The following MTCL3 variants were observed in gnomAD, a reference collection of about 807,000 sequenced individuals.
MTCL3 encodes microtubule cross-linking factor 3.
chr6:127,515,194 G>A, the MTCL3 span: 3 of 775,234 alleles, frequency 3.9e-6, no homozygotes, highest in Non-Finnish European at 6.3e-6. The surrounding 1 kb of genome is among the most constrained non-coding windows in gnomAD (Gnocchi z 4.3). Context: ...GCTGAGTACA[G>A]AAGAGGAAAC....
At chr6:127,516,787 G>A in the MTCL3 span, 1 of 1,144,254 alleles carries the variant, frequency 8.7e-7, no homozygotes, top group East Asian at 2.6e-5. Flanking sequence ...TTTGGATGGC[G>A]CTTAATAGAA....
At chr6:127,512,316 G>T in the MTCL3 span, among the ~76,000 whole-genome samples, 1 of 151,998 alleles carries the variant, frequency 6.6e-6, no homozygotes, top group Non-Finnish European at 1.5e-5. Flanking sequence ...AAAAAAAAAG[G>T]AAAATCTTTA....
At chr6:127,477,740 T>A in the MTCL3 span, among the ~76,000 whole-genome samples, 71 of 152,216 alleles carry the variant, frequency 4.7e-4, no homozygotes, top group Non-Finnish European at 7.8e-4. Context: ...TGAGAGCTGC[T>A]GGGTGTGCAG....
the MTCL3 span, among the ~76,000 whole-genome samples, chr6:127,474,703 G>A: frequency 2.0e-5 from 3 of 152,174 alleles, no homozygotes; most frequent in East Asian, 1.9e-4. Context: ...ATCAGCCTCC[G>A]GAGTAGCTTG....
At chr6:127,488,918 A>T in the MTCL3 span, among the ~76,000 whole-genome samples, 3 of 152,220 alleles carry the variant, frequency 2.0e-5, no homozygotes, top group South Asian at 6.2e-4. Flanking sequence ...TTTACATTGT[A>T]TTATGTATCA....
At chr6:127,476,985 C>T in the MTCL3 span, among the ~76,000 whole-genome samples, 17,652 of 152,178 alleles carry the variant, frequency 0.12, 1,406 homozygotes, top group Admixed American at 0.19. This position sits in a 1 kb window ranked among gnomAD's most constrained non-coding sequence, Gnocchi z 4.4. Context: ...AGTAACCGTT[C>T]GAAGGTTACA....
At chr6:127,490,693 T>A in the MTCL3 span, among the ~76,000 whole-genome samples, 1 of 152,104 alleles carries the variant, frequency 6.6e-6, no homozygotes, top group East Asian at 1.9e-4. Context: ...GATGCGTGCC[T>A]GTAGTCCCAG....
chr6:127,483,862 G>T, the MTCL3 span, among the ~76,000 whole-genome samples: 1 of 152,176 alleles, frequency 6.6e-6, no homozygotes, highest in African/African-American at 2.4e-5. Flanking sequence ...GAGACTCAAA[G>T]TTTGATTAGA....
chr6:127,489,810 C>G, the MTCL3 span, among the ~76,000 whole-genome samples: 1 of 152,208 alleles, frequency 6.6e-6, no homozygotes, highest in African/African-American at 2.4e-5. Flanking sequence ...GAAGCCATCT[C>G]CATAGCACAA....
At chr6:127,516,358 C>T in the MTCL3 span, 1 of 1,599,278 alleles carries the variant, frequency 6.3e-7, no homozygotes, top group Non-Finnish European at 8.5e-7. Context: ...CGTGCGGCTC[C>T]CGGTCTTGTT....
At chr6:127,491,878 C>CAAAA in the MTCL3 span, among the ~76,000 whole-genome samples, 4 of 60,768 alleles carry the variant, frequency 6.6e-5, no homozygotes, top group Admixed American at 1.7e-4. Flanking sequence ...GACCCTGTCT[C>CAAAA]AAAAAAAAAA....
chr6:127,497,973 A>C, the MTCL3 span, among the ~76,000 whole-genome samples: 3 of 152,118 alleles, frequency 2.0e-5, no homozygotes, highest in African/African-American at 7.2e-5. Flanking sequence ...TGAATGTAAG[A>C]GCTAAATCCA....
the MTCL3 span, among the ~76,000 whole-genome samples, chr6:127,495,741 A>T: frequency 1.3e-5 from 2 of 152,216 alleles, no homozygotes; most frequent in African/African-American, 4.8e-5. Context: ...TTCTGAGGGT[A>T]ATTCCTGGAC....
At chr6:127,478,862 C>T in the MTCL3 span, among the ~76,000 whole-genome samples, 119 of 151,768 alleles carry the variant, frequency 7.8e-4, no homozygotes, top group Non-Finnish European at 1.0e-4. Context: ...ATTAAAAATA[C>T]AAAAATTAGC....
At chr6:127,476,537 G>C in the MTCL3 span, 2 of 1,240,086 alleles carry the variant, frequency 1.6e-6, no homozygotes, top group Non-Finnish European at 2.2e-6. The surrounding 1 kb of genome is among the most constrained non-coding windows in gnomAD (Gnocchi z 4.4). Flanking sequence ...ACAACCAAAA[G>C]AGGACACCTG....
chr6:127,495,021 C>G, the MTCL3 span, among the ~76,000 whole-genome samples: 7 of 151,952 alleles, frequency 4.6e-5, no homozygotes, highest in African/African-American at 1.7e-4. Context: ...CATGGTGAGA[C>G]CCCGTCTCTA....
At chr6:127,490,035 TG>T in the MTCL3 span, among the ~76,000 whole-genome samples, 1 of 152,212 alleles carries the variant, frequency 6.6e-6, no homozygotes, top group Non-Finnish European at 1.5e-5. Flanking sequence ...CAGGCTTTCT[TG>T]TTGGGTGCCA....
the MTCL3 span, among the ~76,000 whole-genome samples, chr6:127,505,128 G>C: frequency 6.6e-6 from 1 of 152,214 alleles, no homozygotes; most frequent in East Asian, 1.9e-4. Context: ...GGATTATTAG[G>C]GAGTTTCAAC....
At chr6:127,513,540 G>T in the MTCL3 span, among the ~76,000 whole-genome samples, 903 of 152,330 alleles carry the variant, frequency 5.9e-3, 5 homozygotes, top group African/African-American at 0.02. Context: ...GGTTGGGCTT[G>T]AATTTCAATC....
Sources: gnomAD v4.1 joint callset for allele counts (sites outside exome capture counted in the v4.1 genomes callset) on GRCh38, gnomAD v4.1.1 for gene constraint, Gnocchi (gnomAD v3.1) non-coding constraint, MANE v1.5 for transcripts, NCBI Gene and HGNC (gene_info 2026-07-23, HGNC 2026-07-21) for gene names.